The following CHST11 variants were observed in gnomAD, a reference collection of about 807,000 sequenced individuals.
The protein encoded by CHST11 is carbohydrate sulfotransferase 11, also known as C4S-1.
In CHST11, 9 loss-of-function variants were observed where a neutral mutation model predicts 30.4. That is an observed-to-expected ratio of 0.30 (90% CI 0.18 to 0.52). The LOEUF (loss-of-function observed/expected upper bound fraction) is 0.52, where lower values mean the gene tolerates loss of function less well. Among genes scored for constraint, CHST11 ranks in the 20% least tolerant of loss-of-function variants. The probability of loss-of-function intolerance (pLI) is 0.97; values close to 1 mark genes in which losing one functional copy is unlikely to be tolerated. For synonymous variants in CHST11, 152 were observed against 187.8 expected (o/e 0.81, Z 1.56); for missense variants, 348 against 460.6 (o/e 0.76, Z 2.24).
At chr12:104,646,568 C>T (rs2039433696) in intron 2 of CHST11, among the ~76,000 whole-genome samples, 1 of 152,168 alleles carries the variant, frequency 6.6e-6, no homozygotes, top group South Asian at 2.1e-4. Context: ...CTCACCTCTA[C>T]TAAAAATACA....
intron 2 of CHST11, among the ~76,000 whole-genome samples, chr12:104,754,404 C>T (rs1336813372): frequency 6.6e-6 from 1 of 152,186 alleles, no homozygotes; most frequent in African/African-American, 2.4e-5. Flanking sequence ...TCATTCACAT[C>T]ACTGTGGTCC....
chr12:104,733,337 G>A (rs2040272624), intron 2 of CHST11, among the ~76,000 whole-genome samples: 1 of 152,188 alleles, frequency 6.6e-6, no homozygotes, highest in Non-Finnish European at 1.5e-5. Context: ...AGAGGAAAGG[G>A]GACATTTATA....
At chr12:104,459,053 T>C (rs1361737632) in intron 1 of CHST11, among the ~76,000 whole-genome samples, 1 of 152,250 alleles carries the variant, frequency 6.6e-6, no homozygotes, top group African/African-American at 2.4e-5. Context: ...CTCTACCACA[T>C]GTAACCTCAG....
At position 104,479,143 on chromosome 12, in the gene CHST11, C is replaced by G. The variant is rs181017460; in HGVS notation, c.118+21614C>G. 3.3e-3 allele frequency among the ~76,000 whole-genome samples: 508 copies of G among 151,792 alleles called. 1 individual carries two copies. Among genetic ancestry groups the G allele is most frequent in the Non-Finnish European group, 5.5e-3 (372 of 67,914 alleles). On this transcript the variant is annotated intron_variant, in intron 1 of 2. Coordinates refer to ENST00000303694, the MANE Select transcript of CHST11 (RefSeq NM_018413.6). ...GCAACTCCTTCCTTTCCCAACCCAA[C>G]TCAAATTGGTTTAAGCAAAAAAAAA...
At chr12:104,513,139 T>TGG (rs1565969846) in intron 1 of CHST11, among the ~76,000 whole-genome samples, 17 of 2,930 alleles carry the variant, frequency 5.8e-3, no homozygotes, top group Non-Finnish European at 8.7e-3. Context: ...GGGGGGGGGT[T>TGG]GGGGGTGGGG....
intron 2 of CHST11, among the ~76,000 whole-genome samples, chr12:104,742,546 C>G (rs1343270628): frequency 6.6e-6 from 1 of 152,236 alleles, no homozygotes; most frequent in Non-Finnish European, 1.5e-5. Context: ...CCCTTCCTCA[C>G]CGTTGTTCCT....
chr12:104,568,922 C>A (rs941695715), intron 1 of CHST11, among the ~76,000 whole-genome samples: 1 of 152,134 alleles, frequency 6.6e-6, no homozygotes, highest in Non-Finnish European at 1.5e-5. Flanking sequence ...CTCTTTAAGA[C>A]AGTCTATGTA....
At chr12:104,741,428 G>T (rs1326002534) in intron 2 of CHST11, among the ~76,000 whole-genome samples, 1 of 152,252 alleles carries the variant, frequency 6.6e-6, no homozygotes, top group Non-Finnish European at 1.5e-5. Context: ...CGTGCCTTTG[G>T]AACAATGGAG....
At chr12:104,575,532 A>G (rs1305707302) in intron 1 of CHST11, among the ~76,000 whole-genome samples, 2 of 152,180 alleles carry the variant, frequency 1.3e-5, no homozygotes, top group African/African-American at 2.4e-5. Context: ...AGGGGGTCTT[A>G]ACTTAGACAA....
chr12:104,623,364 T>C (rs1028983603), intron 2 of CHST11, among the ~76,000 whole-genome samples: 3 of 152,202 alleles, frequency 2.0e-5, no homozygotes, highest in Non-Finnish European at 4.4e-5. Flanking sequence ...GATTTGGTTA[T>C]TAGTGTTTTA....
chr12:104,536,965 G>T (rs563317571), intron 1 of CHST11, among the ~76,000 whole-genome samples: 1 of 152,298 alleles, frequency 6.6e-6, no homozygotes, highest in South Asian at 2.1e-4. Flanking sequence ...TGAGTCAGAG[G>T]CAGCAGTCCT....
At chr12:104,563,149 T>G (rs1374334286) in intron 1 of CHST11, among the ~76,000 whole-genome samples, 1 of 152,182 alleles carries the variant, frequency 6.6e-6, no homozygotes, top group African/African-American at 2.4e-5. Context: ...CAAGTGATTC[T>G]CGTGTCTCAG....
At chr12:104,581,935 C>G (rs1184402884) in intron 1 of CHST11, among the ~76,000 whole-genome samples, 1 of 152,164 alleles carries the variant, frequency 6.6e-6, no homozygotes. Flanking sequence ...AGAACAAACA[C>G]TCCATCCAGG....
chr12:104,686,597 G>A (rs2039848739), intron 2 of CHST11, among the ~76,000 whole-genome samples: 1 of 152,306 alleles, frequency 6.6e-6, no homozygotes, highest in South Asian at 2.1e-4. Context: ...CAAAGTAACT[G>A]CTAAGTAGAG....
At chr12:104,526,977 C>T (rs1020474947) in intron 1 of CHST11, among the ~76,000 whole-genome samples, 1 of 152,172 alleles carries the variant, frequency 6.6e-6, no homozygotes, top group Non-Finnish European at 1.5e-5. Flanking sequence ...CTCTAGCCTC[C>T]CCTCCCAAAT....
intron 1 of CHST11, among the ~76,000 whole-genome samples, chr12:104,568,328 C>T (rs886342375): frequency 6.6e-6 from 1 of 152,154 alleles, no homozygotes; most frequent in Non-Finnish European, 1.5e-5. Context: ...GTGCCAGTGG[C>T]CCCCCTCCCA....
At chr12:104,739,885 C>T (rs914863900) in intron 2 of CHST11, among the ~76,000 whole-genome samples, 1 of 152,244 alleles carries the variant, frequency 6.6e-6, no homozygotes, top group African/African-American at 2.4e-5. Context: ...CCAGATTGGT[C>T]TGCCTGACTC....
chr12:104,703,815 T>A (rs572871266), intron 2 of CHST11, among the ~76,000 whole-genome samples: 2 of 152,336 alleles, frequency 1.3e-5, no homozygotes, highest in East Asian at 3.9e-4. Context: ...GTAACACCCT[T>A]CCTCCAGGTT....
chr12:104,583,091 A>T (rs192919337), intron 1 of CHST11, among the ~76,000 whole-genome samples: 61 of 152,172 alleles, frequency 4.0e-4, no homozygotes, highest in African/African-American at 1.4e-3. Flanking sequence ...CCACATACAT[A>T]TGTGTTGTAT....
Sources: gnomAD v4.1 joint callset for allele counts (sites outside exome capture counted in the v4.1 genomes callset) on GRCh38, gnomAD v4.1.1 for gene constraint, MANE v1.5 for transcripts, NCBI Gene and HGNC (gene_info 2026-07-23, HGNC 2026-07-21) for gene names.